MATR3: variants seen among roughly 807,000 people sequenced by gnomAD.
MATR3 encodes matrin-3.
In MATR3, 4 loss-of-function variants were observed where a neutral mutation model predicts 85.5. The ratio of observed to expected loss-of-function variants is 0.05; its 90% CI spans 0.02 to 0.11. MATR3 has a LOEUF of 0.11. MATR3 is among the 10% of genes least tolerant of loss of function. MATR3 has a pLI of 1.00. For synonymous variants in MATR3, 336 were observed against 343.1 expected, an observed-to-expected ratio of 0.98 and a Z score of 0.23; for missense variants, 685 against 1,016.1, an observed-to-expected ratio of 0.67 and a Z score of 4.43.
At position 139,326,061 on chromosome 5, in the gene MATR3, CAA is replaced by C. The variant is rs1309621670; in HGVS notation, c.2372-98_2372-97del. 3 of 1,145,310 alleles carry C rather than the reference CAA, an allele frequency of 2.6e-6. No individual in the cohort carries two copies. The African/African-American group carries it at 4.6e-5, about 18-fold the overall frequency. The allele number at this position is 1,145,310 out of a possible 1,614,324, so 70.9% of individuals were successfully genotyped here. Reference sequence around the variant, plus strand: ...TTATCTTAGGCTGTATTGGACTTCTCAAAAACATGTTGTTTCATTTAAATTAT... The same window carrying C: ...TTATCTTAGGCTGTATTGGACTTCTCAAACATGTTGTTTCATTTAAATTAT... On this transcript the variant is annotated intron_variant, in intron 13 of 14. Coordinates refer to ENST00000394805, the MANE Select transcript of MATR3 (RefSeq NM_018834.6).
At chr5:139,297,872 T>G (rs1174348168) in intron 1 of MATR3, among the ~76,000 whole-genome samples, 1 of 152,340 alleles carries the variant, frequency 6.6e-6, no homozygotes, top group South Asian at 2.1e-4. Context: ...AAACATCTTA[T>G]CTGACATTCT....
At chr5:139,287,439 C>T (rs376169213) in intron 3 of MATR3, among the ~76,000 whole-genome samples, 10 of 151,704 alleles carry the variant, frequency 6.6e-5, no homozygotes, top group African/African-American at 2.4e-4. Flanking sequence ...GCCAATGTGG[C>T]GAAACCCCAT....
At chr5:139,321,022 C>A (rs1755539222) in intron 9 of MATR3, among the ~76,000 whole-genome samples, 1 of 150,790 alleles carries the variant, frequency 6.6e-6, no homozygotes, top group African/African-American at 2.4e-5. Flanking sequence ...TCCCAAAGTG[C>A]TGGGATTACA....
intron 1 of MATR3, chr5:139,295,065 A>G (rs937814576): frequency 1.3e-5 from 2 of 152,230 alleles, no homozygotes; most frequent in East Asian, 1.9e-4. Context: ...AGATTTCTGA[A>G]TAGTCGGTAA....
upstream of MATR3, among the ~76,000 whole-genome samples, chr5:139,291,064 G>C (rs1753856404): frequency 6.6e-6 from 1 of 152,110 alleles, no homozygotes; most frequent in Non-Finnish European, 1.5e-5. Context: ...AGGTTGCAGT[G>C]AGCCATGGTC....
intron 3 of MATR3, among the ~76,000 whole-genome samples, chr5:139,285,669 G>A (rs893599867): frequency 7.9e-5 from 12 of 151,880 alleles, no homozygotes; most frequent in Middle Eastern, 3.4e-3. Flanking sequence ...GTGAAACTCC[G>A]TCTCAAAAAA....
chr5:139,310,707 CATT>C (rs1397563182), intron 2 of MATR3: 2 of 151,882 alleles, frequency 1.3e-5, no homozygotes, highest in African/African-American at 4.8e-5. Context: ...CATGGAGTGT[CATT>C]ATTTTTAGGT....
At chr5:139,325,764 A>G in intron 13 of MATR3, 102 bp downstream of exon 13, 1 of 1,017,862 alleles carries the variant, frequency 9.8e-7, no homozygotes, top group East Asian at 2.5e-5. Context: ...AAGCTGTGAT[A>G]GCATTTTAAA....
chr5:139,297,349 A>C (rs1754208951), intron 1 of MATR3, among the ~76,000 whole-genome samples: 1 of 152,204 alleles, frequency 6.6e-6, no homozygotes. Context: ...TGTAATTTAT[A>C]ATTATTAGCT....
At chr5:139,320,535 A>G (rs1475956428) in intron 9 of MATR3, among the ~76,000 whole-genome samples, 1 of 152,146 alleles carries the variant, frequency 6.6e-6, no homozygotes, top group Non-Finnish European at 1.5e-5. Context: ...CCAGGAGTCC[A>G]AGGTTTGTAG....
chr5:139,321,889 C>A lies in MATR3; in HGVS notation c.1603-9C>A, dbSNP rs188764121. ...ATGTGCTTTGTGGTTTCTTTTCTTTCTTTTTAAGGCTTTTATTGAGATGGA... is the reference window on the plus strand; with the variant it reads ...ATGTGCTTTGTGGTTTCTTTTCTTTATTTTTAAGGCTTTTATTGAGATGGA... On this transcript the variant is annotated splice_polypyrimidine_tract_variant and intron_variant, in intron 9 of 14. Transcript: ENST00000394805. 6 of 1,610,072 alleles carry A rather than the reference C, an allele frequency of 3.7e-6. No homozygotes were observed. The Admixed American group carries it at 1.0e-4, about 27-fold the overall frequency.
chr5:139,317,141 G>A, intron 6 of MATR3, 36 bp downstream of exon 6: 1 of 1,593,042 alleles, frequency 6.3e-7, no homozygotes. Flanking sequence ...CTGTATTTAT[G>A]ATTTTTGGGA....
Position 139,325,622 on chromosome 5 carries a change from T to C in MATR3, c.2331T>C (p.Asp777=), listed in dbSNP as rs1338124932. 1 of 1,613,916 alleles carries C rather than the reference T, an allele frequency of 6.2e-7. No homozygotes were observed. Residue 777 remains aspartate (D), a synonymous_variant, in exon 13 of 15, where the codon GAT becomes GAC. Transcript: ENST00000394805. ...DENKDDYTIP[D]EYRIGPYQPN... ...ACAAGGACGACTATACAATCCCAGATGAGTATAGAATTGGACCATATCAGC... is the reference window on the plus strand; with the variant it reads ...ACAAGGACGACTATACAATCCCAGACGAGTATAGAATTGGACCATATCAGC...
chr5:139,275,919 C>T (rs773954701), intron 1 of MATR3, among the ~76,000 whole-genome samples: 1 of 152,184 alleles, frequency 6.6e-6, no homozygotes, highest in African/African-American at 2.4e-5. Flanking sequence ...TTTGTTTAAT[C>T]GACTCTTTTG....
intron 7 of MATR3, 91 bp downstream of exon 7, chr5:139,317,812 A>G: frequency 1.3e-5 from 17 of 1,286,812 alleles, no homozygotes; most frequent in Non-Finnish European, 1.8e-5. Context: ...GAAAAATAAA[A>G]CTCAAGGTAA....
intron 1 of MATR3, among the ~76,000 whole-genome samples, chr5:139,302,470 AAAACTTGTAGTACTTTTAAAATGG>A (rs1167173832): frequency 2.0e-5 from 3 of 152,028 alleles, no homozygotes; most frequent in Non-Finnish European, 4.4e-5. Context: ...CATTAAAATG[AAAACTTGTAGTACTTTTAAAATGG>A]AAACTATGGT....
chr5:139,314,930 A>T, intron 3 of MATR3, 194 bp downstream of exon 3: 1 of 540,206 alleles, frequency 1.9e-6, no homozygotes, highest in Non-Finnish European at 3.3e-6. Context: ...TGCAGTAATA[A>T]TATTTTGTTA....
chr5:139,320,558 G>A (rs1202885681), intron 9 of MATR3, among the ~76,000 whole-genome samples: 1 of 152,120 alleles, frequency 6.6e-6, no homozygotes, highest in African/African-American at 2.4e-5. Context: ...GGCTATGATT[G>A]TGCCACTGTA....
intron 1 of MATR3, among the ~76,000 whole-genome samples, chr5:139,304,472 C>T (rs1389714512): frequency 2.6e-5 from 4 of 150,988 alleles, no homozygotes; most frequent in Non-Finnish European, 5.9e-5. Flanking sequence ...TGCATTCCAG[C>T]CTGGGCATCA....
Sources: allele counts gnomAD v4.1 joint callset (sites outside exome capture counted in the v4.1 genomes callset), GRCh38; gene constraint gnomAD v4.1.1; transcripts MANE v1.5; gene names NCBI Gene and HGNC (gene_info 2026-07-23, HGNC 2026-07-21).